Variants in PIGG observed in about 807,000 individuals in gnomAD.
PIGG encodes the protein GPI ethanolamine phosphate transferase 2, catalytic subunit.
In PIGG, 70 loss-of-function variants were observed where a neutral mutation model predicts 83.2. The ratio of observed to expected loss-of-function variants is 0.84; its 90% CI spans 0.69 to 1.03. PIGG has a LOEUF of 1.03. Among genes scored for constraint, PIGG ranks in the 50% least tolerant of loss-of-function variants. The pLI, the probability that PIGG is intolerant of heterozygous loss-of-function variation, is 0.00. For synonymous variants in PIGG, 532 were observed against 519.5 expected (o/e 1.02, Z -0.33); for missense variants, 1,257 against 1,233.6 (o/e 1.02, Z -0.28).
Position 539,139 on chromosome 4 carries a change from T to C in PIGG, c.2736-14T>C, listed in dbSNP as rs781671019. On this transcript the variant is annotated splice_polypyrimidine_tract_variant and intron_variant, in intron 12 of 12. Transcript: ENST00000453061. ...GTGGCATGTGCTAATACACATTTTCTTTCTTATTAACAGTGGTTCAGCACT... is the reference window on the plus strand; with the variant it reads ...GTGGCATGTGCTAATACACATTTTCCTTCTTATTAACAGTGGTTCAGCACT... 2.6e-5 allele frequency: 40 copies of C among 1,563,292 alleles called. No individual in the cohort carries two copies. Among genetic ancestry groups the C allele is most frequent in the Non-Finnish European group, 2.9e-5 (33 of 1,135,724 alleles).
intron 2 of PIGG, among the ~76,000 whole-genome samples, chr4:505,043 C>T (rs1250750190): frequency 6.6e-6 from 1 of 152,108 alleles, no homozygotes; most frequent in African/African-American, 2.4e-5. Flanking sequence ...ATGGACTTTG[C>T]TTGTCACGTG....
rs1553873748 is a variant in PIGG at position 499,214 on chromosome 4, T to C, written c.-122T>C. The C allele has an allele frequency of 1.8e-6, 2 of 1,082,158 alleles. No homozygotes were observed. Among genetic ancestry groups the C allele is most frequent in the African/African-American group, 3.3e-5 (2 of 61,078 alleles). The allele number at this position is 1,082,158 out of a possible 1,614,324, so 67.0% of individuals were successfully genotyped here. A position where few individuals can be genotyped will look rare whatever the true frequency, so the allele number is the denominator to read the frequency against. On this transcript the variant is annotated 5_prime_UTR_variant, in exon 1 of 13. Coordinates refer to ENST00000453061, the MANE Select transcript of PIGG (RefSeq NM_001127178.3). ...CGCGCCGGCGGACGTGACGCCACTG[T>C]CGCTGCGACGATAAGGCCTGGCGTT...
chr4:515,981 C>A lies in PIGG; in HGVS notation c.910C>A (p.Arg304=). The change falls in exon 6 of 13, where the codon CGA becomes AGA. Residue 304 remains arginine (R), a synonymous_variant. Coordinates refer to ENST00000453061, the MANE Select transcript of PIGG (RefSeq NM_001127178.3). This position sits in a 1 kb window ranked among gnomAD's most constrained non-coding sequence, Gnocchi z 4.2. The part of the protein sequence containing the change: ...SAFERKPGDI[R]HPKHVQQTDV... ...TGTTTTCTTTCTTCTAGGTGATATC[C>A]GACATCCAAAGCACGTCCAACAGAC... 1 of 1,613,342 alleles carries A rather than the reference C, an allele frequency of 6.2e-7. No homozygotes were observed. The highest frequency in any genetic ancestry group is 8.5e-7 in the Non-Finnish European group (1 of 1,179,310).
Position 512,656 on chromosome 4 carries a change from AG to A in PIGG, c.902-3316del, listed in dbSNP as rs1399776412. On this transcript the variant is annotated intron_variant, in intron 5 of 12. Coordinates refer to ENST00000453061, the MANE Select transcript of PIGG (RefSeq NM_001127178.3). ...ACGGTGAAACCCCGTCTCTACTAAA[AG>A]TACAAAAATTAGCCAGATGTGGTGG... Among the ~76,000 whole-genome samples, 7 of 151,966 alleles carry A rather than the reference AG, an allele frequency of 4.6e-5. No individual in the cohort carries two copies. The East Asian group carries it at 1.4e-3, about 30-fold the overall frequency.
At chr4:527,557 G>A (rs781581901) in intron 10 of PIGG, 12 of 1,052,852 alleles carry the variant, frequency 1.1e-5, no homozygotes, top group Non-Finnish European at 1.4e-5. Context: ...GCGTGAATCG[G>A]TTTCTAAGTT....
chr4:535,538 G>A (rs1018372209), intron 12 of PIGG, among the ~76,000 whole-genome samples: 3 of 127,338 alleles, frequency 2.4e-5, no homozygotes, highest in Non-Finnish European at 4.8e-5. Context: ...CGTGTGTCCT[G>A]TGGTGACCGG....
intron 2 of PIGG, among the ~76,000 whole-genome samples, chr4:504,777 C>G (rs1719019536): frequency 6.6e-6 from 1 of 152,128 alleles, no homozygotes; most frequent in African/African-American, 2.4e-5. Context: ...ACCATGGCCT[C>G]TTAGGTTCTA....
Position 515,183 on chromosome 4 carries a change from C to G in PIGG, c.902-790C>G, listed in dbSNP as rs1723415447. On this transcript the variant is annotated intron_variant, in intron 5 of 12. Transcript: ENST00000453061. The surrounding 1 kb of genome is among the most constrained non-coding windows in gnomAD (Gnocchi z 4.2). The stretch of plus-strand genomic sequence containing the variant: ...CTATCCTGAGTAGCCGTCCCTGTGG[C>G]CTCTTGGCGCCCTGCCGGTGTACGT... Among the ~76,000 whole-genome samples, 2 of 152,262 alleles carry G rather than the reference C, an allele frequency of 1.3e-5. No homozygotes were observed. The highest frequency in any genetic ancestry group is 4.1e-4 in the South Asian group (2 of 4,832).
chr4:536,925 C>G (rs1205122651), intron 12 of PIGG: 2 of 152,288 alleles, frequency 1.3e-5, no homozygotes, highest in African/African-American at 4.8e-5. Flanking sequence ...GGCCTTGCAG[C>G]TGCCCTGGTG....
chr4:512,188 T>C (rs536223309), intron 5 of PIGG, among the ~76,000 whole-genome samples: 1 of 151,934 alleles, frequency 6.6e-6, no homozygotes, highest in East Asian at 1.9e-4. Context: ...TAAACCCCTT[T>C]AGTGAATTTT....
At position 521,950 on chromosome 4, in the gene PIGG, G is replaced by A. The variant is rs188737876; in HGVS notation, c.1614+9G>A. The A allele has an allele frequency of 2.2e-4, 349 of 1,613,846 alleles. 3 individuals carry two copies. The African/African-American group carries it at 3.7e-3, about 17-fold the overall frequency. On this transcript the variant is annotated intron_variant, in intron 8 of 12. Transcript: ENST00000453061. ...GAAACACCCCAAGGAAGGTACGTAC[G>A]GCTGGTTCCTGGGAGTGTGACGTAG... is the stretch of plus-strand genomic sequence containing the variant.
intron 9 of PIGG, among the ~76,000 whole-genome samples, chr4:526,622 A>G (rs758923234): frequency 2.0e-5 from 3 of 151,808 alleles, no homozygotes; most frequent in Non-Finnish European, 4.4e-5. Context: ...GAACAAGAGG[A>G]CGGTTTCTAT....
At chr4:524,036 T>G in intron 9 of PIGG, 123 bp downstream of exon 9, 1 of 643,224 alleles carries the variant, frequency 1.6e-6, no homozygotes, top group Non-Finnish European at 2.6e-6. Flanking sequence ...ATTTGAGATC[T>G]GAAGAATTGG....
At chr4:502,282 C>T (rs1718027378) in intron 2 of PIGG, 1 of 152,162 alleles carries the variant, frequency 6.6e-6, no homozygotes, top group South Asian at 2.1e-4. Flanking sequence ...TGTTTTGTTT[C>T]ATTTTCAGTC....
At chr4:500,108 A>G in intron 1 of PIGG, 1 of 375,676 alleles carries the variant, frequency 2.7e-6, no homozygotes, top group Non-Finnish European at 4.9e-6. Context: ...AGCTCCCTAA[A>G]TGTCCCATTC....
At chr4:526,598 G>A (rs1038040193) in intron 9 of PIGG, among the ~76,000 whole-genome samples, 5 of 152,206 alleles carry the variant, frequency 3.3e-5, no homozygotes, top group Non-Finnish European at 5.9e-5. Context: ...GGCTGACCCC[G>A]AGAGGGTACC....
At chr4:502,000 T>G (rs961825394) in intron 2 of PIGG, 2 of 152,258 alleles carry the variant, frequency 1.3e-5, no homozygotes, top group Admixed American at 6.5e-5. Context: ...GCCGTCCTGC[T>G]GAAACTAGCT....
chr4:518,422 T>C (rs1024956213), intron 6 of PIGG, among the ~76,000 whole-genome samples: 3 of 151,818 alleles, frequency 2.0e-5, no homozygotes, highest in Admixed American at 2.0e-4. Context: ...TGAAACCCCA[T>C]CTCTACTAAA....
At chr4:501,187 T>C (rs1260077403) in intron 2 of PIGG, 1 of 455,540 alleles carries the variant, frequency 2.2e-6, no homozygotes, top group Non-Finnish European at 4.4e-6. Context: ...CTTTATTGAT[T>C]GGCTCAAAAC....
Sources: allele counts gnomAD v4.1 joint callset (sites outside exome capture counted in the v4.1 genomes callset), GRCh38; gene constraint gnomAD v4.1.1; non-coding constraint Gnocchi (gnomAD v3.1); transcripts MANE v1.5; gene names NCBI Gene and HGNC (gene_info 2026-07-23, HGNC 2026-07-21).